MROH2A: variants seen among roughly 807,000 people sequenced by gnomAD.
The protein encoded by MROH2A is maestro heat like repeat family member 2A, also known as maestro heat-like repeat-containing protein family member 2A.
A neutral mutation model predicts 200.4 loss-of-function variants in MROH2A; 174 were observed. The observed-to-expected ratio is 0.87, with a 90% confidence interval of 0.77 to 0.98. MROH2A has a LOEUF of 0.98. Among genes scored for constraint, MROH2A ranks in the 50% least tolerant of loss-of-function variants. MROH2A has a pLI of 0.00. For synonymous variants in MROH2A, 829 were observed against 840.4 expected, an observed-to-expected ratio of 0.99 and a Z score of 0.23; for missense variants, 2,045 against 2,139.6, an observed-to-expected ratio of 0.96 and a Z score of 0.87.
At chr2:233,800,894 C>T (rs1500474) in intron 14 of MROH2A, among the ~76,000 whole-genome samples, 51,386 of 151,900 alleles carry the variant, frequency 0.34, 10,694 homozygotes, top group African/African-American at 0.58. Flanking sequence ...GGAATGATTA[C>T]TCACTGAGGC....
chr2:233,809,639 A>G (rs1332946788), intron 22 of MROH2A, among the ~76,000 whole-genome samples: 2 of 152,218 alleles, frequency 1.3e-5, no homozygotes, highest in Non-Finnish European at 1.5e-5. Context: ...GGTTGTCTTC[A>G]TAGACATGCA....
Position 233,823,649 on chromosome 2 carries a change from C to T in MROH2A, c.4098C>T (p.Ser1366=), listed in dbSNP as rs768585958. The T allele has an allele frequency of 6.9e-5, 107 of 1,550,380 alleles. No individual in the cohort carries two copies. In the African/African-American group the frequency reaches 9.3e-4, roughly 13 times the overall value. Reference sequence around the variant, plus strand: ...CAGAAGTCCTGAGCTGCCGCATCAGCAGCACAGCGGTCTGCGTGGAAATGA... The same window carrying T: ...CAGAAGTCCTGAGCTGCCGCATCAGTAGCACAGCGGTCTGCGTGGAAATGA... The part of the protein sequence containing the change: ...MDSEVLSCRI[S]STAVCFMSGP... Residue 1366 remains serine (S), a synonymous_variant, in exon 35 of 42, where the codon AGC becomes AGT. Coordinates refer to ENST00000389758, the MANE Select transcript of MROH2A (RefSeq NM_001394639.1).
chr2:233,817,985 G>A lies in MROH2A; in HGVS notation c.2962-17G>A, dbSNP rs770056896. ...GAGAGCACAGAGGTGTGAGCCCCAC[G>A]GTCTCCTGTCCCTCAGATCCACCTA... On this transcript the variant is annotated splice_polypyrimidine_tract_variant and intron_variant, in intron 27 of 41. Coordinates refer to ENST00000389758, the MANE Select transcript of MROH2A (RefSeq NM_001394639.1). The A allele has an allele frequency of 3.9e-5, 61 of 1,550,580 alleles. No homozygotes were observed. The highest frequency in any genetic ancestry group is 4.9e-5 in the Non-Finnish European group (56 of 1,147,034).
intron 33 of MROH2A, 62 bp from the exon 34 acceptor site, chr2:233,822,819 A>C: frequency 6.5e-7 from 1 of 1,532,022 alleles, no homozygotes; most frequent in Non-Finnish European, 8.8e-7. Flanking sequence ...AGATTGCAGC[A>C]GCCTCCCCAG....
At chr2:233,803,534 C>T in intron 16 of MROH2A, 46 bp downstream of exon 16, 13 of 1,543,840 alleles carry the variant, frequency 8.4e-6, no homozygotes, top group South Asian at 1.2e-5. Context: ...AAGGCCATGC[C>T]CTGTGGCACC....
upstream of MROH2A, among the ~76,000 whole-genome samples, chr2:233,777,095 C>A (rs867654054): frequency 6.6e-6 from 1 of 152,200 alleles, no homozygotes; most frequent in Non-Finnish European, 1.5e-5. Context: ...CACAGACCCA[C>A]GCAGGTGACT....
intron 30 of MROH2A, 130 bp from the exon 31 acceptor site, chr2:233,819,772 G>T (rs1703807800): frequency 9.8e-7 from 1 of 1,018,650 alleles, no homozygotes; most frequent in Non-Finnish European, 1.4e-6. Context: ...CACTAGAGAG[G>T]GTGCTGGGCG....
rs772857264 is a variant in MROH2A at position 233,822,174 on chromosome 2, G to A, written c.3563G>A (p.Arg1188Gln). Residue 1188 changes from arginine (R) to glutamine (Q), a missense_variant, in exon 32 of 42, where the codon CGG (arginine) becomes CAG (glutamine). Physicochemically the swap from Arg to Gln is conservative, Grantham distance 43. Coordinates refer to ENST00000389758, the MANE Select transcript of MROH2A (RefSeq NM_001394639.1). ...GTGTCGGAGAACGTGCCCTTCGCCC[G>A]GACCATGCTCCACAGCCTGATGGGC... ...LAVSENVPFA[R>Q]TMLHSLMGRL... 1.6e-5 allele frequency: 25 copies of A among 1,549,684 alleles called. No homozygotes were observed. The Middle Eastern group carries it at 6.7e-4, about 41-fold the overall frequency.
At chr2:233,797,226 A>G (rs553209182) in intron 11 of MROH2A, among the ~76,000 whole-genome samples, 79 of 152,360 alleles carry the variant, frequency 5.2e-4, no homozygotes, top group Non-Finnish European at 9.4e-4. Flanking sequence ...TACTTCAGTG[A>G]CAGAGATGTA....
At chr2:233,782,440 T>G (rs1399657847) in intron 3 of MROH2A, among the ~76,000 whole-genome samples, 1 of 152,240 alleles carries the variant, frequency 6.6e-6, no homozygotes, top group African/African-American at 2.4e-5. Context: ...TTCCTAGGTA[T>G]TTTATATTTT....
rs1362686183 is a variant in MROH2A, at chr2:233,829,855, C to T, written c.4602+80C>T. On this transcript the variant is annotated intron_variant, in intron 38 of 41. Transcript: ENST00000389758. Reference sequence around the variant, plus strand: ...AAACAGGTCCTTGGGTCTGCTGGCTCGGTGAGCTGCAAGCTTTTCTCTGCC... The same window carrying T: ...AAACAGGTCCTTGGGTCTGCTGGCTTGGTGAGCTGCAAGCTTTTCTCTGCC... The T allele has an allele frequency of 2.4e-5, 29 of 1,218,964 alleles. 1 individual carries two copies. In the Middle Eastern group the frequency reaches 6.5e-4, roughly 27 times the overall value. 75.5% of individuals were successfully genotyped at this position (1,218,964 alleles called of 1,614,324 possible).
chr2:233,807,901 C>T lies in MROH2A; in HGVS notation c.2295+46C>T. ...AACTGGGTCTTGGGATCTCTTAGCACAGTGCTCTGGGCACTGACACAAAGT... is the reference window on the plus strand; with the variant it reads ...AACTGGGTCTTGGGATCTCTTAGCATAGTGCTCTGGGCACTGACACAAAGT... On this transcript the variant is annotated intron_variant, in intron 21 of 41. Transcript: ENST00000389758. This position sits in a 1 kb window ranked among gnomAD's most constrained non-coding sequence, Gnocchi z 4.3. 4 of 1,550,366 alleles carry T rather than the reference C, an allele frequency of 2.6e-6. No individual in the cohort carries two copies. Among genetic ancestry groups the T allele is most frequent in the African/African-American group, 2.7e-5 (2 of 73,162 alleles).
chr2:233,821,875 G>A (rs918084950), intron 31 of MROH2A, among the ~76,000 whole-genome samples: 7 of 152,102 alleles, frequency 4.6e-5, no homozygotes, highest in Admixed American at 1.3e-4. Context: ...AGCAGTGGAG[G>A]TGGGGCTTCC....
intron 13 of MROH2A, 141 bp downstream of exon 13, chr2:233,800,040 C>A (rs1702359151): frequency 1.6e-6 from 2 of 1,236,938 alleles, no homozygotes; most frequent in Non-Finnish European, 2.3e-6. Flanking sequence ...ACACAGTGAA[C>A]CTGCAGGTGA....
rs138270951 is a variant in MROH2A, at chr2:233,792,937, C to T, written c.670+43C>T. On this transcript the variant is annotated intron_variant, in intron 6 of 41. Transcript: ENST00000389758. ...GCCTGCAGGTCTGGCTCGATCAGGG[C>T]GCCGGAGGGAGACTGCTGGGTAAGG... 801 of 1,541,390 alleles carry T rather than the reference C, an allele frequency of 5.2e-4. 1 individual carries two copies. In the East Asian group the frequency reaches 8.0e-3, roughly 15 times the overall value.
Position 233,820,570 on chromosome 2 carries a change from A to G in MROH2A, c.3512+514A>G, listed in dbSNP as rs1703869413. Among the ~76,000 whole-genome samples the G allele has an allele frequency of 6.6e-6, 1 of 152,114 alleles. No homozygotes were observed. The highest frequency in any genetic ancestry group is 1.5e-5 in the Non-Finnish European group (1 of 68,018). ...CCCATCTTTATTGGTGTTTCTCTGCAGACAGTGCAGAGCTCCTGTGTGTGC... is the reference window on the plus strand; with the variant it reads ...CCCATCTTTATTGGTGTTTCTCTGCGGACAGTGCAGAGCTCCTGTGTGTGC... On this transcript the variant is annotated intron_variant, in intron 31 of 41. Coordinates refer to ENST00000389758, the MANE Select transcript of MROH2A (RefSeq NM_001394639.1). This position sits in a 1 kb window ranked among gnomAD's most constrained non-coding sequence, Gnocchi z 4.1.
At chr2:233,784,863 A>C (rs1485892118) in intron 3 of MROH2A, among the ~76,000 whole-genome samples, 7 of 152,170 alleles carry the variant, frequency 4.6e-5, no homozygotes, top group African/African-American at 1.7e-4. Flanking sequence ...CTTTTAAAAA[A>C]TGTAGGCCAG....
intron 3 of MROH2A, among the ~76,000 whole-genome samples, chr2:233,780,941 G>A (rs1286941418): frequency 1.3e-5 from 2 of 151,992 alleles, no homozygotes; most frequent in Non-Finnish European, 2.9e-5. Context: ...TGACTTCTAT[G>A]AGCTCACCAT....
intron 11 of MROH2A, among the ~76,000 whole-genome samples, 181 bp from the exon 12 acceptor site, chr2:233,798,593 G>A (rs7606743): frequency 0.017 from 2,559 of 152,306 alleles, 72 homozygotes; most frequent in African/African-American, 0.059. Flanking sequence ...GGAACGAGGC[G>A]TGGAAACAAC....
Sources: gnomAD v4.1 joint callset for allele counts (sites outside exome capture counted in the v4.1 genomes callset) on GRCh38, gnomAD v4.1.1 for gene constraint, Gnocchi (gnomAD v3.1) non-coding constraint, MANE v1.5 for transcripts, NCBI Gene and HGNC (gene_info 2026-07-23, HGNC 2026-07-21) for gene names.